The following SLC25A48 variants were observed in gnomAD, a reference collection of about 807,000 sequenced individuals.
SLC25A48 encodes the protein solute carrier family 25 member 48.
In SLC25A48, 29 loss-of-function variants were observed where a neutral mutation model predicts 32.2. The observed-to-expected ratio is 0.90, with a 90% CI of 0.67 to 1.23. The LOEUF (loss-of-function observed/expected upper bound fraction) is 1.23. Ranked by LOEUF, SLC25A48 falls within the 50% of genes most tolerant of loss-of-function variation. SLC25A48 has a pLI of 0.00. For missense variants in SLC25A48, 399 were observed against 422.7 expected (o/e 0.94, Z 0.49); for synonymous variants, 164 against 172.3 (o/e 0.95, Z 0.38).
At chr5:135,755,249 A>G (rs1755868040) in intron 3 of SLC25A48, among the ~76,000 whole-genome samples, 1 of 152,108 alleles carries the variant, frequency 6.6e-6, no homozygotes, top group African/African-American at 2.4e-5. Context: ...TCTGATACTT[A>G]TAATAGCCAG....
chr5:135,775,350 C>T (rs1756524648), intron 3 of SLC25A48, among the ~76,000 whole-genome samples: 1 of 151,450 alleles, frequency 6.6e-6, no homozygotes, highest in South Asian at 2.1e-4. Context: ...ATAGGTACAC[C>T]CCTTCTGTGA....
chr5:135,807,444 A>G (rs990422688), intron 3 of SLC25A48, among the ~76,000 whole-genome samples: 21 of 150,716 alleles, frequency 1.4e-4, no homozygotes, highest in Admixed American at 9.2e-4. Flanking sequence ...TATAAATATC[A>G]TGGATACTTT....
chr5:135,760,239 AGTGCATATAC>A (rs1468719748), intron 3 of SLC25A48, among the ~76,000 whole-genome samples: 16 of 152,208 alleles, frequency 1.1e-4, no homozygotes, highest in Admixed American at 4.6e-4. Flanking sequence ...ATAGTTACAT[AGTGCATATAC>A]GTGCATATAT....
intron 3 of SLC25A48, chr5:135,652,296 T>G: frequency 2.3e-6 from 1 of 443,144 alleles, no homozygotes; most frequent in South Asian, 1.6e-5. Flanking sequence ...TTTTCTATTA[T>G]GAAGGAGGCA....
chr5:135,696,995 G>A (rs1334187213), intron 3 of SLC25A48, among the ~76,000 whole-genome samples: 1 of 152,190 alleles, frequency 6.6e-6, no homozygotes, highest in African/African-American at 2.4e-5. Context: ...AATTTTTTAA[G>A]AAGAGAAAGA....
At chr5:135,650,288 T>C in intron 3 of SLC25A48, 1 of 388,338 alleles carries the variant, frequency 2.6e-6, no homozygotes. Flanking sequence ...AAGTTTGGTT[T>C]CTCCTTTCTC....
intron 3 of SLC25A48, among the ~76,000 whole-genome samples, chr5:135,793,768 T>C (rs1469719565): frequency 5.3e-5 from 8 of 151,948 alleles, no homozygotes; most frequent in Non-Finnish European, 1.0e-4. Context: ...GGAATATTAT[T>C]TGTAATATCC....
At chr5:135,758,661 C>T (rs990881103) in intron 3 of SLC25A48, among the ~76,000 whole-genome samples, 1 of 150,542 alleles carries the variant, frequency 6.6e-6, no homozygotes, top group Non-Finnish European at 1.5e-5. Context: ...TGTTAACACA[C>T]TATGATATTA....
intron 3 of SLC25A48, among the ~76,000 whole-genome samples, chr5:135,852,173 T>C (rs1759924510): frequency 6.6e-6 from 1 of 152,128 alleles, no homozygotes; most frequent in Non-Finnish European, 1.5e-5. Flanking sequence ...CTGGAGAATG[T>C]TTCTGTTGTG....
intron 7 of SLC25A48, chr5:135,883,024 C>T (rs975138546): frequency 2.5e-5 from 25 of 985,052 alleles, no homozygotes; most frequent in Admixed American, 1.2e-4. Flanking sequence ...TCAAGACTCC[C>T]GTTAGAAGAT....
intron 3 of SLC25A48, among the ~76,000 whole-genome samples, chr5:135,797,796 C>T (rs1248867364): frequency 1.3e-5 from 2 of 151,678 alleles, no homozygotes; most frequent in African/African-American, 4.8e-5. Flanking sequence ...GGGATGTACA[C>T]CAGCCCTGTG....
intron 2 of SLC25A48, among the ~76,000 whole-genome samples, chr5:135,845,789 CG>C (rs1293333017): frequency 3.9e-5 from 6 of 152,184 alleles, no homozygotes; most frequent in African/African-American, 1.4e-4. Flanking sequence ...GTCTAGGGTC[CG>C]GGGACTCACC....
rs201074515 is a variant in SLC25A48 at position 135,850,504 on chromosome 5, C to A, written c.162+8C>A. On this transcript the variant is annotated splice_region_variant and intron_variant, in intron 3 of 7. Transcript: ENST00000681962. ...GTGTACAGGAGGGAGAGTGTAAGTG[C>A]CCCTTGGGCGGGTGGAGTGATGCCT... The A allele has an allele frequency of 7.4e-6, 12 of 1,613,762 alleles. No individual in the cohort carries two copies. The South Asian group carries it at 1.1e-4, about 15-fold the overall frequency.
At chr5:135,712,287 G>A (rs1754685409) in intron 3 of SLC25A48, among the ~76,000 whole-genome samples, 1 of 152,130 alleles carries the variant, frequency 6.6e-6, no homozygotes, top group Non-Finnish European at 1.5e-5. Flanking sequence ...AATTCATCAA[G>A]TGAAGAATAG....
intron 7 of SLC25A48, among the ~76,000 whole-genome samples, chr5:135,882,642 G>A (rs563868261): frequency 3.3e-5 from 5 of 152,234 alleles, no homozygotes; most frequent in South Asian, 4.2e-4. Flanking sequence ...TTCCATGCGG[G>A]AAGATCAGTG....
intron 4 of SLC25A48, among the ~76,000 whole-genome samples, chr5:135,854,608 T>G (rs6879905): frequency 0.77 from 117,176 of 152,146 alleles, 45,290 homozygotes; most frequent in Middle Eastern, 0.87. Flanking sequence ...TTATGTCCTT[T>G]CTCTGAGTTA....
intron 1 of SLC25A48, among the ~76,000 whole-genome samples, chr5:135,624,568 G>T (rs1752400418): frequency 1.3e-5 from 2 of 152,184 alleles, no homozygotes; most frequent in South Asian, 4.1e-4. Flanking sequence ...CTGTTCCAAG[G>T]GAACTGGGAT....
chr5:135,755,741 G>A lies in SLC25A48; in HGVS notation c.-520-56782G>A, dbSNP rs550325326. Among the ~76,000 whole-genome samples the A allele has an allele frequency of 7.3e-5, 11 of 150,944 alleles. No individual in the cohort carries two copies. In the South Asian group the frequency reaches 1.3e-3, roughly 17 times the overall value. ...CGCACTATCTTATTAAGGAAATATCGCTGTGATATATATATATGGTCATAC... is the reference window on the plus strand; with the variant it reads ...CGCACTATCTTATTAAGGAAATATCACTGTGATATATATATATGGTCATAC... On this transcript the variant is annotated intron_variant, in intron 3 of 10. Coordinates refer to the SLC25A48 transcript ENST00000646290.
At chr5:135,825,154 A>G (rs181363206) in intron 4 of SLC25A48, 6 of 152,302 alleles carry the variant, frequency 3.9e-5, no homozygotes, top group African/African-American at 1.2e-4. Context: ...TCACAGAAAC[A>G]TTTATTTGGT....
Sources: gnomAD v4.1 joint callset for allele counts (sites outside exome capture counted in the v4.1 genomes callset) on GRCh38, gnomAD v4.1.1 for gene constraint, MANE v1.5 for transcripts, NCBI Gene and HGNC (gene_info 2026-07-23, HGNC 2026-07-21) for gene names.